The following SH2D4B variants were observed in gnomAD, a reference collection of about 807,000 sequenced individuals.
SH2D4B encodes SH2 domain-containing protein 4B.
Under a neutral mutation model 61.5 loss-of-function variants are expected in SH2D4B, and 45 were observed. The observed-to-expected ratio is 0.73, with a 90% CI of 0.58 to 0.94. The LOEUF is 0.94. Ranked by LOEUF, SH2D4B falls within the 40% of genes least tolerant of loss-of-function variation. The probability of loss-of-function intolerance (pLI) is 0.00; values close to 1 mark genes in which losing one functional copy is unlikely to be tolerated. For missense variants in SH2D4B, 572 were observed against 574.2 expected (o/e 1.00, Z 0.04); for synonymous variants, 224 against 220.4 (o/e 1.02, Z -0.14).
At chr10:80,544,237 C>G (rs915796732) in intron 1 of SH2D4B, among the ~76,000 whole-genome samples, 1 of 152,146 alleles carries the variant, frequency 6.6e-6, no homozygotes, top group Admixed American at 6.5e-5. Flanking sequence ...ACTCCAGAGG[C>G]GCCGCCTTAA....
At chr10:80,610,794 T>G (rs1842587562) in intron 6 of SH2D4B, among the ~76,000 whole-genome samples, 1 of 152,152 alleles carries the variant, frequency 6.6e-6, no homozygotes, top group African/African-American at 2.4e-5. Flanking sequence ...CAAGGTTTAT[T>G]TCTTACACAT....
intron 1 of SH2D4B, among the ~76,000 whole-genome samples, chr10:80,552,230 T>G (rs1312949450): frequency 6.6e-6 from 1 of 152,184 alleles, no homozygotes; most frequent in Non-Finnish European, 1.5e-5. Flanking sequence ...ACACAGCTGG[T>G]CAGTGATCAG....
intron 6 of SH2D4B, among the ~76,000 whole-genome samples, chr10:80,634,019 T>C (rs1210483125): frequency 1.3e-5 from 2 of 152,200 alleles, no homozygotes; most frequent in Non-Finnish European, 2.9e-5. Context: ...CCTGGCTCAA[T>C]GTGGAGGAAA....
intron 6 of SH2D4B, among the ~76,000 whole-genome samples, chr10:80,624,713 A>G (rs887687125): frequency 2.6e-5 from 4 of 152,186 alleles, no homozygotes; most frequent in Non-Finnish European, 5.9e-5. Context: ...TGAGAACCAT[A>G]CTTCAGGGAC....
At chr10:80,557,256 T>A (rs1457898780) in intron 1 of SH2D4B, among the ~76,000 whole-genome samples, 3 of 152,162 alleles carry the variant, frequency 2.0e-5, no homozygotes, top group African/African-American at 7.2e-5. Flanking sequence ...TGATAATTTA[T>A]CCTTTTTATA....
chr10:80,555,603 G>A (rs914855133), intron 1 of SH2D4B, among the ~76,000 whole-genome samples: 1 of 152,172 alleles, frequency 6.6e-6, no homozygotes, highest in African/African-American at 2.4e-5. Flanking sequence ...AGAAGCTGAG[G>A]TCATGGAGGA....
intron 6 of SH2D4B, among the ~76,000 whole-genome samples, chr10:80,626,029 C>A (rs1842764320): frequency 6.6e-6 from 1 of 152,284 alleles, no homozygotes; most frequent in Middle Eastern, 3.4e-3. Context: ...ATTATAGTTC[C>A]ATCTTTTTCA....
chr10:80,628,277 A>G (rs1842786562), intron 6 of SH2D4B, among the ~76,000 whole-genome samples: 1 of 152,178 alleles, frequency 6.6e-6, no homozygotes, highest in Non-Finnish European at 1.5e-5. Flanking sequence ...TAATTTGAGT[A>G]ATGGAAGCAG....
intron 7 of SH2D4B, among the ~76,000 whole-genome samples, chr10:80,637,114 T>C (rs1044342901): frequency 2.0e-5 from 3 of 152,240 alleles, no homozygotes; most frequent in South Asian, 2.1e-4. Flanking sequence ...TGTGGTGTTA[T>C]TTCTGAGGCC....
rs192697148 is a variant in SH2D4B, at chr10:80,638,285, A to G, written c.1209+3780A>G. ...GTCTCTGCCAGGCTTTGGTATCAGGATGACGTTGGCCTCATAAAATGAGTT... is the reference window on the plus strand; with the variant it reads ...GTCTCTGCCAGGCTTTGGTATCAGGGTGACGTTGGCCTCATAAAATGAGTT... On this transcript the variant is annotated intron_variant, in intron 7 of 7. Coordinates refer to ENST00000646907, the MANE Select transcript of SH2D4B (RefSeq NM_001388272.1). Among the ~76,000 whole-genome samples the G allele has an allele frequency of 3.3e-5, 5 of 152,244 alleles. No homozygotes were observed. In the East Asian group the frequency reaches 5.8e-4, roughly 18 times the overall value.
In SH2D4B at chr10:80,629,972, C is replaced by T. The variant is rs374296294; in HGVS notation, c.989-4313C>T. Among the ~76,000 whole-genome samples the T allele has an allele frequency of 2.2e-4, 34 of 152,226 alleles. No individual in the cohort carries two copies. The East Asian group carries it at 4.1e-3, about 18-fold the overall frequency. On this transcript the variant is annotated intron_variant, in intron 6 of 7. Transcript: ENST00000646907. ...GATGTAAAGATGAGTTGTCTGTGTC[C>T]GTCAGGTCTTCCATGAAGCAGAAGA...
chr10:80,600,691 T>C (rs1295436786), intron 4 of SH2D4B, among the ~76,000 whole-genome samples: 2 of 152,136 alleles, frequency 1.3e-5, no homozygotes, highest in Non-Finnish European at 2.9e-5. Context: ...AAGAGAATGG[T>C]AAGATTAGAG....
At chr10:80,540,114 A>T (rs1056632060) in intron 1 of SH2D4B, among the ~76,000 whole-genome samples, 1 of 152,210 alleles carries the variant, frequency 6.6e-6, no homozygotes, top group African/African-American at 2.4e-5. Flanking sequence ...TTCATGTATA[A>T]ATTATACATT....
At chr10:80,626,117 A>AT (rs1448097144) in intron 6 of SH2D4B, among the ~76,000 whole-genome samples, 1 of 151,386 alleles carries the variant, frequency 6.6e-6, no homozygotes, top group Non-Finnish European at 1.5e-5. Flanking sequence ...TGTGCTCATC[A>AT]TTTGTTCCGG....
intron 3 of SH2D4B, among the ~76,000 whole-genome samples, chr10:80,573,286 T>A (rs1408918996): frequency 6.6e-6 from 1 of 151,720 alleles, no homozygotes; most frequent in Admixed American, 6.6e-5. Flanking sequence ...GTGCCCGGCC[T>A]ATGTTGCAAA....
intron 2 of SH2D4B, among the ~76,000 whole-genome samples, chr10:80,571,216 G>A (rs1842037831): frequency 6.6e-6 from 1 of 152,100 alleles, no homozygotes; most frequent in Non-Finnish European, 1.5e-5. Context: ...AGAAAATCTA[G>A]GAAATGGGGT....
intron 3 of SH2D4B, among the ~76,000 whole-genome samples, chr10:80,575,543 T>C: frequency 6.6e-6 from 1 of 152,038 alleles, no homozygotes; most frequent in East Asian, 1.9e-4. Flanking sequence ...GGTGGATCAC[T>C]TGAGGTCAGG....
chr10:80,607,045 C>A (rs1842527785), intron 5 of SH2D4B, among the ~76,000 whole-genome samples: 1 of 152,084 alleles, frequency 6.6e-6, no homozygotes, highest in Non-Finnish European at 1.5e-5. Flanking sequence ...TGAAAACTGT[C>A]TAATTTATAT....
intron 7 of SH2D4B, among the ~76,000 whole-genome samples, chr10:80,636,875 C>T (rs1033816575): frequency 3.3e-5 from 5 of 152,168 alleles, no homozygotes; most frequent in African/African-American, 1.2e-4. Flanking sequence ...TGCCTATGTC[C>T]TGAATGGTAT....
Sources: gnomAD v4.1 joint callset for allele counts (sites outside exome capture counted in the v4.1 genomes callset) on GRCh38, gnomAD v4.1.1 for gene constraint, MANE v1.5 for transcripts, NCBI Gene and HGNC (gene_info 2026-07-23, HGNC 2026-07-21) for gene names.